The following USP32 variants were observed in gnomAD, a reference collection of about 807,000 sequenced individuals.
USP32 encodes ubiquitin carboxyl-terminal hydrolase 32.
In USP32, 59 loss-of-function variants were observed where a neutral mutation model predicts 204.8. The observed-to-expected ratio is 0.29, with a 90% CI of 0.23 to 0.36. USP32 has a LOEUF of 0.36. Ranked by LOEUF, USP32 falls within the 10% of genes least tolerant of loss-of-function variation. The pLI is 1.00. For missense variants in USP32, 1,160 were observed against 1,946.4 expected (o/e 0.60, Z 7.60); for synonymous variants, 517 against 678.4 (o/e 0.76, Z 3.70).
chr17:60,345,372 A>C, intron 2 of USP32, 109 bp downstream of exon 2: 1 of 1,475,136 alleles, frequency 6.8e-7, no homozygotes, highest in Non-Finnish European at 9.1e-7. Flanking sequence ...CAGGAAGAAA[A>C]ATAACTACAG....
chr17:60,398,977 T>C (rs1347620053), intron 1 of USP32, among the ~76,000 whole-genome samples: 1 of 152,044 alleles, frequency 6.6e-6, no homozygotes, highest in Non-Finnish European at 1.5e-5. Flanking sequence ...TGAGACTGTC[T>C]TTAAAAAATA....
At chr17:60,257,519 T>C (rs1030379357) in intron 9 of USP32, among the ~76,000 whole-genome samples, 32 of 152,288 alleles carry the variant, frequency 2.1e-4, no homozygotes, top group African/African-American at 6.7e-4. Flanking sequence ...ACACAGGGTC[T>C]CACTCTATCA....
intron 1 of USP32, chr17:60,421,750 C>A: frequency 1.2e-6 from 1 of 835,298 alleles, no homozygotes; most frequent in Non-Finnish European, 1.4e-6. Context: ...CTGCCCACCG[C>A]GTTTCCGCCC....
chr17:60,369,230 G>A (rs2089388419), intron 1 of USP32, among the ~76,000 whole-genome samples: 1 of 137,376 alleles, frequency 7.3e-6, no homozygotes, highest in East Asian at 2.0e-4. Flanking sequence ...TCCTGACCTC[G>A]TGATCCGCCC....
intron 21 of USP32, among the ~76,000 whole-genome samples, 184 bp downstream of exon 21, chr17:60,210,829 A>G (rs1315143220): frequency 2.0e-5 from 3 of 152,282 alleles, no homozygotes; most frequent in Non-Finnish European, 4.4e-5. Context: ...CCTACCCACT[A>G]CATATACAGT....
intron 5 of USP32, among the ~76,000 whole-genome samples, chr17:60,272,612 A>G (rs987310554): frequency 6.6e-6 from 1 of 152,232 alleles, no homozygotes; most frequent in Non-Finnish European, 1.5e-5. Context: ...TATGAAATAT[A>G]TAAAACTATT....
chr17:60,247,141 T>C (rs1024046442), intron 11 of USP32, among the ~76,000 whole-genome samples: 26 of 152,160 alleles, frequency 1.7e-4, no homozygotes, highest in African/African-American at 6.3e-4. Context: ...CAATTTCGTC[T>C]AGTAGTTTAG....
intron 30 of USP32, among the ~76,000 whole-genome samples, chr17:60,183,897 T>C (rs1336974588): frequency 6.6e-6 from 1 of 152,216 alleles, no homozygotes; most frequent in East Asian, 1.9e-4. Context: ...ATGTGATGAT[T>C]ATATGAAAAT....
chr17:60,222,156 T>A (rs970330295), intron 15 of USP32, among the ~76,000 whole-genome samples: 1 of 152,220 alleles, frequency 6.6e-6, no homozygotes, highest in African/African-American at 2.4e-5. Context: ...CCAGCCTAAG[T>A]TCCACATATC....
intron 9 of USP32, chr17:60,258,336 TCAA>T (rs1255689890): frequency 1.1e-5 from 2 of 187,770 alleles, no homozygotes; most frequent in African/African-American, 4.7e-5. Flanking sequence ...ACTGGGAAGC[TCAA>T]CAACGTATTT....
At chr17:60,213,949 T>G (rs1380836140) in intron 17 of USP32, among the ~76,000 whole-genome samples, 2 of 151,884 alleles carry the variant, frequency 1.3e-5, no homozygotes, top group African/African-American at 2.4e-5. Flanking sequence ...TTTTTTGTTT[T>G]TTTTTTTTTT....
rs114394505 is a variant in USP32, at chr17:60,337,993, A to G, written c.186+7488T>C. Among the ~76,000 whole-genome samples the G allele has an allele frequency of 7.2e-3, 1,104 of 152,294 alleles. 16 individuals carry two copies. The highest frequency in any genetic ancestry group is 0.026 in the African/African-American group (1,060 of 41,548). ...AGATTCAGGCTTTAATGCTTGAAAG[A>G]GAGTTTAGGATAAGAGAAAAACAAT... On this transcript the variant is annotated intron_variant, in intron 2 of 33. Coordinates refer to ENST00000300896, the MANE Select transcript of USP32 (RefSeq NM_032582.4).
At chr17:60,241,075 G>A (rs1017411865) in intron 11 of USP32, among the ~76,000 whole-genome samples, 2 of 152,210 alleles carry the variant, frequency 1.3e-5, no homozygotes, top group African/African-American at 4.8e-5. Flanking sequence ...TCAGCTCACT[G>A]TAACCTCTGC....
chr17:60,292,017 C>A (rs2087290944), intron 4 of USP32, among the ~76,000 whole-genome samples: 2 of 151,694 alleles, frequency 1.3e-5, no homozygotes, highest in Admixed American at 1.3e-4. Flanking sequence ...ACAGGACCTA[C>A]ACCAATGACC....
intron 16 of USP32, among the ~76,000 whole-genome samples, chr17:60,215,486 TAA>T (rs869230888): frequency 7.1e-6 from 1 of 140,232 alleles, no homozygotes; most frequent in Non-Finnish European, 1.6e-5. Flanking sequence ...AGGACAGAGT[TAA>T]AAAAAAAAAA....
chr17:60,393,286 ACT>A (rs2089870342), upstream of USP32, among the ~76,000 whole-genome samples: 1 of 151,806 alleles, frequency 6.6e-6, no homozygotes, highest in Admixed American at 6.6e-5. Context: ...CATGTGACTG[ACT>A]CTCCCACTCC....
At chr17:60,419,532 G>T (rs969045102) in intron 1 of USP32, among the ~76,000 whole-genome samples, 1 of 151,856 alleles carries the variant, frequency 6.6e-6, no homozygotes, top group Non-Finnish European at 1.5e-5. Context: ...GGAGATGGAG[G>T]CCATCCTGGC....
chr17:60,266,655 ATTTT>A, intron 7 of USP32, among the ~76,000 whole-genome samples: 1 of 97,622 alleles, frequency 1.0e-5, no homozygotes. Context: ...CACCCAGGTA[ATTTT>A]TTTTTTTTTT....
At chr17:60,192,351 C>T (rs750491730) in intron 28 of USP32, among the ~76,000 whole-genome samples, 3 of 152,114 alleles carry the variant, frequency 2.0e-5, no homozygotes, top group Non-Finnish European at 4.4e-5. Flanking sequence ...AAATGTTTAT[C>T]ACAAGCTATG....
Sources: gnomAD v4.1 joint callset for allele counts (sites outside exome capture counted in the v4.1 genomes callset) on GRCh38, gnomAD v4.1.1 for gene constraint, MANE v1.5 for transcripts, NCBI Gene and HGNC (gene_info 2026-07-23, HGNC 2026-07-21) for gene names.